The following AKAP6 variants were observed in gnomAD, a reference collection of about 807,000 sequenced individuals.
The protein encoded by AKAP6 is A-kinase anchor protein 6.
Under a neutral mutation model 188.5 loss-of-function variants are expected in AKAP6, and 58 were observed. That is an observed-to-expected ratio of 0.31 (90% confidence interval 0.25 to 0.38). The LOEUF (loss-of-function observed/expected upper bound fraction) is 0.38. Ranked by LOEUF, AKAP6 falls within the 10% of genes least tolerant of loss-of-function variation. The probability of loss-of-function intolerance (pLI) is 1.00; values close to 1 mark genes in which losing one functional copy is unlikely to be tolerated. For synonymous variants in AKAP6, 989 were observed against 998.6 expected, an observed-to-expected ratio of 0.99 and a Z score of 0.18; for missense variants, 2,710 against 2,740.0, an observed-to-expected ratio of 0.99 and a Z score of 0.24.
intron 1 of AKAP6, among the ~76,000 whole-genome samples, chr14:32,331,055 T>C (rs1886517856): frequency 6.6e-6 from 1 of 151,966 alleles, no homozygotes; most frequent in African/African-American, 2.4e-5. Context: ...GAGTGCTAGA[T>C]GGTGATGGGG....
intron 3 of AKAP6, among the ~76,000 whole-genome samples, chr14:32,541,349 A>G (rs1594725346): frequency 7.5e-6 from 1 of 133,944 alleles, no homozygotes; most frequent in Non-Finnish European, 1.7e-5. Flanking sequence ...ATATATATAT[A>G]TTCAATATAT....
chr14:32,619,093 T>C (rs1224835041), intron 7 of AKAP6, among the ~76,000 whole-genome samples: 19 of 152,168 alleles, frequency 1.2e-4, no homozygotes, highest in Admixed American at 1.2e-3. Flanking sequence ...CTTTGTCAGA[T>C]GCATAGTTTG....
intron 5 of AKAP6, among the ~76,000 whole-genome samples, chr14:32,583,310 C>T (rs531495941): frequency 8.5e-5 from 13 of 152,212 alleles, no homozygotes; most frequent in African/African-American, 2.6e-4. Flanking sequence ...AGCGGATTTT[C>T]GTGAACCGCG....
At chr14:32,695,886 T>A in intron 8 of AKAP6, 104 bp from the exon 9 acceptor site, 1 of 1,357,112 alleles carries the variant, frequency 7.4e-7, no homozygotes, top group Non-Finnish European at 9.8e-7. Context: ...TTATTGTAGA[T>A]AACACTAGAA....
At chr14:32,639,478 A>G (rs1404734107) in intron 7 of AKAP6, among the ~76,000 whole-genome samples, 1 of 152,106 alleles carries the variant, frequency 6.6e-6, no homozygotes, top group Non-Finnish European at 1.5e-5. Flanking sequence ...TCATATGTGT[A>G]TTTATTCATT....
intron 5 of AKAP6, among the ~76,000 whole-genome samples, chr14:32,582,432 T>G (rs1378606360): frequency 6.6e-6 from 1 of 151,898 alleles, no homozygotes; most frequent in Non-Finnish European, 1.5e-5. Flanking sequence ...TTAACATTTT[T>G]TCCTTCATTT....
At position 32,735,685 on chromosome 14, in the gene AKAP6, A is replaced by T. The variant is rs1260842595; in HGVS notation, c.3175A>T (p.Thr1059Ser). ...GKTLGEKIQDTMAGHSGSSPR... is the reference protein window; with the variant it reads ...GKTLGEKIQDSMAGHSGSSPR... ...AACCCTAGGAGAGAAGATCCAGGAC[A>T]CAATGGCAGGGCACAGTGGGTCGAG... The change falls in exon 11 of 14, where the codon ACA becomes TCA. Residue 1059 changes from threonine to serine, a missense_variant. By Grantham distance (58) the Thr-to-Ser change is moderately conservative. This residue lies in a region of AKAP6 where 2,473 missense variants were observed against 2,426.1 expected (regional missense o/e 1.02). Transcript: ENST00000280979. The T allele has an allele frequency of 6.2e-7, 1 of 1,610,596 alleles. No individual in the cohort carries two copies. The highest frequency in any genetic ancestry group is 2.2e-5 in the East Asian group (1 of 44,846).
chr14:32,787,312 C>T (rs550753158), intron 12 of AKAP6, among the ~76,000 whole-genome samples: 106 of 152,276 alleles, frequency 7.0e-4, no homozygotes, highest in African/African-American at 2.3e-3. Flanking sequence ...CTTAATCTGA[C>T]GAATGATTTC....
intron 2 of AKAP6, among the ~76,000 whole-genome samples, chr14:32,500,899 G>A (rs914809703): frequency 2.0e-5 from 3 of 152,048 alleles, no homozygotes; most frequent in Non-Finnish European, 4.4e-5. Flanking sequence ...ACTGGGGCAG[G>A]TATGTATACA....
chr14:32,412,817 C>G (rs1889530772), intron 1 of AKAP6, among the ~76,000 whole-genome samples: 1 of 152,184 alleles, frequency 6.6e-6, no homozygotes, highest in South Asian at 2.1e-4. Context: ...ATGTTATCAG[C>G]AACCTGCCTT....
intron 1 of AKAP6, among the ~76,000 whole-genome samples, chr14:32,359,677 T>C (rs1467816992): frequency 1.3e-5 from 2 of 152,116 alleles, no homozygotes; most frequent in Non-Finnish European, 2.9e-5. Context: ...GTAATTTGTC[T>C]GTCTTTCCTT....
chr14:32,576,926 C>T (rs561295663), intron 4 of AKAP6, among the ~76,000 whole-genome samples, 194 bp from the exon 5 acceptor site: 1 of 152,216 alleles, frequency 6.6e-6, no homozygotes, highest in Non-Finnish European at 1.5e-5. Context: ...CAGTTTCTTT[C>T]CCATTTTGGT....
intron 2 of AKAP6, among the ~76,000 whole-genome samples, chr14:32,526,119 C>A (rs570421998): frequency 3.9e-5 from 6 of 152,242 alleles, no homozygotes; most frequent in African/African-American, 1.4e-4. Flanking sequence ...GGCTGGAGTA[C>A]AGTGGTGTGA....
At chr14:32,637,783 C>A (rs977449243) in intron 7 of AKAP6, among the ~76,000 whole-genome samples, 11 of 151,958 alleles carry the variant, frequency 7.2e-5, no homozygotes, top group Non-Finnish European at 1.5e-4. Context: ...TGGGAGTTTA[C>A]ATTCTAGATA....
At chr14:32,670,113 AG>A (rs1889119129) in intron 7 of AKAP6, among the ~76,000 whole-genome samples, 4 of 151,630 alleles carry the variant, frequency 2.6e-5, no homozygotes, top group Admixed American at 2.6e-4. Flanking sequence ...AAAAAAAAAA[AG>A]CCCCTTATAA....
At chr14:32,753,994 T>G (rs1594912751) in intron 11 of AKAP6, among the ~76,000 whole-genome samples, 1 of 152,212 alleles carries the variant, frequency 6.6e-6, no homozygotes, top group African/African-American at 2.4e-5. Context: ...TAATATTATT[T>G]TGGCTCTATA....
intron 2 of AKAP6, among the ~76,000 whole-genome samples, chr14:32,500,661 C>A (rs1880566064): frequency 6.6e-6 from 1 of 152,108 alleles, no homozygotes; most frequent in African/African-American, 2.4e-5. Flanking sequence ...AAGTTCTGTA[C>A]TTTAGTCTTA....
At chr14:32,495,850 G>C (rs1880288979) in intron 2 of AKAP6, among the ~76,000 whole-genome samples, 1 of 151,990 alleles carries the variant, frequency 6.6e-6, no homozygotes, top group Non-Finnish European at 1.5e-5. Flanking sequence ...TATTTGAAGA[G>C]TAAGATGAAA....
At chr14:32,602,705 T>C (rs1020928773) in intron 7 of AKAP6, among the ~76,000 whole-genome samples, 1 of 152,254 alleles carries the variant, frequency 6.6e-6, no homozygotes, top group African/African-American at 2.4e-5. Context: ...ATAGCACTTC[T>C]GTATTATGTC....
Sources: allele counts gnomAD v4.1 joint callset (sites outside exome capture counted in the v4.1 genomes callset), GRCh38; gene constraint gnomAD v4.1.1; regional missense constraint gnomAD v4.1.1; transcripts MANE v1.5; gene names NCBI Gene and HGNC (gene_info 2026-07-23, HGNC 2026-07-21).